ZBTB7B: variants seen among roughly 807,000 people sequenced by gnomAD.
ZBTB7B encodes zinc finger and BTB domain containing 7B.
Under a neutral mutation model 31.0 loss-of-function variants are expected in ZBTB7B, and 8 were observed. The observed-to-expected ratio is 0.26, with a 90% CI of 0.15 to 0.47. The LOEUF (loss-of-function observed/expected upper bound fraction) is 0.47, where lower values mean the gene tolerates loss of function less well. Ranked by LOEUF, ZBTB7B falls within the 20% of genes least tolerant of loss-of-function variation. ZBTB7B has a pLI of 0.99. For synonymous variants in ZBTB7B, 261 were observed against 307.3 expected, an observed-to-expected ratio of 0.85 and a Z score of 1.58; for missense variants, 494 against 742.4, an observed-to-expected ratio of 0.67 and a Z score of 3.89.
At position 155,015,572 on chromosome 1, in the gene ZBTB7B, C is replaced by T. The variant is rs766203734; in HGVS notation, c.912C>T (p.Gly304=). Residue 304 remains glycine, a synonymous_variant, in exon 2 of 3, where the codon GGC becomes GGT. Transcript: ENST00000535420. ...CCCCGCTGTCCCCAGAGGAGCTGGG[C>T]TCAGATGAGGATGCCATCGATCCTG... ...GGPPLSPEEL[G]SDEDAIDPDL... is the part of the protein sequence containing the mutation. 13 of 1,613,788 alleles carry T rather than the reference C, an allele frequency of 8.1e-6. No individual in the cohort carries two copies. In the South Asian group the frequency reaches 1.4e-4, roughly 18 times the overall value.
In ZBTB7B at chr1:155,018,374, C is replaced by A; in HGVS notation, c.*1689C>A. 1 of 667,496 alleles carries A rather than the reference C, an allele frequency of 1.5e-6. No individual in the cohort carries two copies. Among genetic ancestry groups the A allele is most frequent in the Non-Finnish European group, 2.5e-6 (1 of 400,362 alleles). The allele number at this position is 667,496 out of a possible 1,614,324, so 41.3% of individuals were successfully genotyped here. A position where few individuals can be genotyped will look rare whatever the true frequency, so the allele number is the denominator to read the frequency against. ...GGGGCCCAGCCCCAGAAAGTGGGGA[C>A]AATGTGGCCTCCCTTCTCCCTACTT... is the stretch of plus-strand genomic sequence containing the variant. On this transcript the variant is annotated 3_prime_UTR_variant, in exon 3 of 3. Transcript: ENST00000535420.
In ZBTB7B at chr1:155,016,148, G is replaced by A; in HGVS notation, c.1155-72G>A. ...AGGAACAGGGATGGGACAAGGCCAG[G>A]GTGGGATGACCAGGAGGAGCCAGGG... On this transcript the variant is annotated intron_variant, in intron 2 of 2. Coordinates refer to ENST00000535420, the MANE Select transcript of ZBTB7B (RefSeq NM_001256455.2). This position sits in a 1 kb window ranked among gnomAD's most constrained non-coding sequence, Gnocchi z 4.3. 6.6e-7 allele frequency: 1 copy of A among 1,506,716 alleles called. No individual in the cohort carries two copies. The highest frequency in any genetic ancestry group is 9.1e-7 in the Non-Finnish European group (1 of 1,099,972). The allele number at this position is 1,506,716 out of a possible 1,614,324, so 93.3% of individuals were successfully genotyped here.
At chr1:155,014,595 T>C (rs1659220875) in intron 1 of ZBTB7B, 60 bp from the exon 2 acceptor site, 4 of 1,521,554 alleles carry the variant, frequency 2.6e-6, no homozygotes, top group African/African-American at 1.4e-5. Context: ...AAGTTGGTCC[T>C]CTTTCCCCAG....
At position 155,015,349 on chromosome 1, in the gene ZBTB7B, C is replaced by T; in HGVS notation, c.689C>T (p.Pro230Leu). Residue 230 changes from proline (P) to leucine (L), a missense_variant, in exon 2 of 3, where the codon CCC becomes CTC. By Grantham distance (98) the Pro-to-Leu change is moderately conservative (BLOSUM62 -3). This residue lies in a region of ZBTB7B where 216 missense variants were observed against 229.3 expected (regional missense o/e 0.94). Coordinates refer to ENST00000535420, the MANE Select transcript of ZBTB7B (RefSeq NM_001256455.2). ...VPEVPTVPAH[P>L]LTYEEEEVAG... ...GAGGTGCCCACAGTGCCCGCCCATC[C>T]CTTGACCTATGAGGAGGAGGAGGTG... 1.9e-6 allele frequency: 3 copies of T among 1,588,064 alleles called. No homozygotes were observed. Among genetic ancestry groups the T allele is most frequent in the Non-Finnish European group, 2.6e-6 (3 of 1,163,910 alleles).
intron 1 of ZBTB7B, among the ~76,000 whole-genome samples, chr1:155,011,631 C>T (rs1048957534): frequency 1.3e-5 from 2 of 152,242 alleles, no homozygotes; most frequent in Non-Finnish European, 2.9e-5. Flanking sequence ...CCAAACAGAC[C>T]TTGCCCGGTT....
rs1457894892 is a variant in ZBTB7B, at chr1:155,018,320, A to T, written c.*1635A>T. 9 of 576,000 alleles carry T rather than the reference A, an allele frequency of 1.6e-5. No individual in the cohort carries two copies. Among genetic ancestry groups the T allele is most frequent in the African/African-American group, 1.5e-4 (8 of 53,288 alleles). The allele number at this position is 576,000 out of a possible 1,614,324, so 35.7% of individuals were successfully genotyped here. On this transcript the variant is annotated 3_prime_UTR_variant, in exon 3 of 3. Coordinates refer to ENST00000535420, the MANE Select transcript of ZBTB7B (RefSeq NM_001256455.2). ...GGGCCTCATCTTAGCATTTCAGGTG[A>T]TGGGGGGAGCCCAGGGCTGGGGAGA...
upstream of ZBTB7B, among the ~76,000 whole-genome samples, chr1:155,002,337 G>A (rs1658277236): frequency 6.7e-6 from 1 of 150,352 alleles, no homozygotes; most frequent in African/African-American, 2.5e-5. Context: ...GAGAAAGGGG[G>A]GGGAGAGAGG....
rs1317898542 is a variant in ZBTB7B at position 155,003,407 on chromosome 1, G to A, written c.-7+464G>A. ...GGCGCGGTGGATTGGCCCCAGGCCA[G>A]TTGCATGGGGGTTGGGGGGGCGCAG... On this transcript the variant is annotated intron_variant, in intron 1 of 2. Transcript: ENST00000535420. The surrounding 1 kb of genome is among the most constrained non-coding windows in gnomAD (Gnocchi z 5.8). Among the ~76,000 whole-genome samples, 1 of 152,180 alleles carries A rather than the reference G, an allele frequency of 6.6e-6. No individual in the cohort carries two copies. The highest frequency in any genetic ancestry group is 1.5e-5 in the Non-Finnish European group (1 of 68,018).
chr1:155,016,456 A>G lies in ZBTB7B; in HGVS notation c.1391A>G (p.Lys464Arg). 1 of 1,614,046 alleles carries G rather than the reference A, an allele frequency of 6.2e-7. No homozygotes were observed. The highest frequency in any genetic ancestry group is 8.5e-7 in the Non-Finnish European group (1 of 1,179,968). The change falls in exon 3 of 3, where the codon AAG (lysine) becomes AGG (arginine). Residue 464 changes from lysine to arginine, a missense_variant. Lys to Arg is a conservative substitution (Grantham distance 26, BLOSUM62 2). Transcript: ENST00000535420. This position sits in a 1 kb window ranked among gnomAD's most constrained non-coding sequence, Gnocchi z 4.3. Reference protein sequence around the residue: ...CLEVRTRRRRKDDAPPHYPPP... With the variant: ...CLEVRTRRRRRDDAPPHYPPP... ...GAGGTGCGCACCCGACGGCGCCGCA[A>G]GGACGATGCACCACCCCACTACCCA... is the stretch of plus-strand genomic sequence containing the variant.
chr1:155,016,452 C>T lies in ZBTB7B; in HGVS notation c.1387C>T (p.Arg463Cys), dbSNP rs757315916. 2.3e-5 allele frequency: 37 copies of T among 1,614,070 alleles called. No homozygotes were observed. The highest frequency in any genetic ancestry group is 2.9e-5 in the Non-Finnish European group (34 of 1,179,976). The change falls in exon 3 of 3, where the codon CGC (arginine) becomes TGC (cysteine). Residue 463 changes from arginine (R) to cysteine (C), a missense_variant. By Grantham distance (180) the Arg-to-Cys change is radical. Coordinates refer to ENST00000535420, the MANE Select transcript of ZBTB7B (RefSeq NM_001256455.2). The surrounding 1 kb of genome is among the most constrained non-coding windows in gnomAD (Gnocchi z 4.3). ...NCLEVRTRRR[R>C]KDDAPPHYPP... is the part of the protein sequence containing the mutation. ...CCTGGAGGTGCGCACCCGACGGCGC[C>T]GCAAGGACGATGCACCACCCCACTA...
At position 155,015,798 on chromosome 1, in the gene ZBTB7B, G is replaced by A. The variant is rs373067585; in HGVS notation, c.1138G>A (p.Gly380Ser). 53 of 1,610,552 alleles carry A rather than the reference G, an allele frequency of 3.3e-5. No homozygotes were observed. Among genetic ancestry groups the A allele is most frequent in the Non-Finnish European group, 4.0e-5 (47 of 1,178,752 alleles). Residue 380 changes from glycine (G) to serine (S), a missense_variant, in exon 2 of 3, where the codon GGT (glycine) becomes AGT (serine). Physicochemically the swap from Gly to Ser is moderately conservative, Grantham distance 56. This residue lies in a region of ZBTB7B where 61 missense variants were observed against 170.0 expected (regional missense o/e 0.36). Coordinates refer to ENST00000535420, the MANE Select transcript of ZBTB7B (RefSeq NM_001256455.2). ...GAAGCCCTTTGCCTGCGAGGTCTGC[G>A]GTGTTCGATTCACCAGGTGAGCAGC... ...GEKPFACEVC[G>S]VRFTRNDKLK... is the part of the protein sequence containing the mutation.
chr1:155,014,989 C>T lies in ZBTB7B; in HGVS notation c.329C>T (p.Thr110Ile). Residue 110 changes from threonine to isoleucine, a missense_variant, in exon 2 of 3, where the codon ACA (threonine) becomes ATA (isoleucine). Physicochemically the swap from Thr to Ile is moderately conservative, Grantham distance 89. Coordinates refer to ENST00000535420, the MANE Select transcript of ZBTB7B (RefSeq NM_001256455.2). ...GALLEFAYTA[T>I]LTTSSANMPA... is the part of the protein sequence containing the mutation. ...CTCCTTGAATTTGCCTATACAGCCA[C>T]ACTGACCACCAGCAGCGCCAACATG... The T allele has an allele frequency of 6.2e-7, 1 of 1,614,006 alleles. No individual in the cohort carries two copies. The highest frequency in any genetic ancestry group is 8.5e-7 in the Non-Finnish European group (1 of 1,180,020).
At chr1:155,002,370 CAGAG>C (rs993536003), upstream of ZBTB7B, among the ~76,000 whole-genome samples, 1 of 138,224 alleles carries the variant, frequency 7.2e-6, no homozygotes, top group African/African-American at 2.8e-5. Context: ...TGAAGGGAGA[CAGAG>C]AGAAGGAAAG....
chr1:155,016,715 C>A lies in ZBTB7B; in HGVS notation c.*30C>A. The A allele has an allele frequency of 1.5e-6, 2 of 1,308,422 alleles. No homozygotes were observed. Among genetic ancestry groups the A allele is most frequent in the East Asian group, 2.4e-5 (1 of 40,882 alleles). The allele number at this position is 1,308,422 out of a possible 1,614,324, so 81.1% of individuals were successfully genotyped here. Reference sequence around the variant, plus strand: ...GGACGAGGGCCAGACTGAAGCAGCACAAGGCCGGGGACACCCATGCCAAGC... The same window carrying A: ...GGACGAGGGCCAGACTGAAGCAGCAAAAGGCCGGGGACACCCATGCCAAGC... On this transcript the variant is annotated 3_prime_UTR_variant, in exon 3 of 3. Transcript: ENST00000535420. The surrounding 1 kb of genome is among the most constrained non-coding windows in gnomAD (Gnocchi z 4.3).
rs1047746019 is a variant in ZBTB7B at position 155,004,351 on chromosome 1, G to T, written c.-7+1408G>T. ...CCCCAACTTATTCCTGGAGGAGGGA[G>T]ACCGCTTATCAGGGACGGGGGAACC... On this transcript the variant is annotated intron_variant, in intron 1 of 2. Coordinates refer to ENST00000535420, the MANE Select transcript of ZBTB7B (RefSeq NM_001256455.2). This position sits in a 1 kb window ranked among gnomAD's most constrained non-coding sequence, Gnocchi z 4.0. 1.3e-5 allele frequency among the ~76,000 whole-genome samples: 2 copies of T among 152,202 alleles called. No individual in the cohort carries two copies. The highest frequency in any genetic ancestry group is 4.8e-5 in the African/African-American group (2 of 41,436).
Position 155,016,087 on chromosome 1 carries a change from GTA to G in ZBTB7B, c.1155-131_1155-130del. On this transcript the variant is annotated intron_variant, in intron 2 of 2. Coordinates refer to ENST00000535420, the MANE Select transcript of ZBTB7B (RefSeq NM_001256455.2). The surrounding 1 kb of genome is among the most constrained non-coding windows in gnomAD (Gnocchi z 4.3). ...GTTAAGCTAGAGGTGAGCTAGCAGG[GTA>G]TCTCCTGGGGCAATAGTGGGGTAAC... is the stretch of plus-strand genomic sequence containing the variant. 1 of 1,008,748 alleles carries G rather than the reference GTA, an allele frequency of 9.9e-7. No homozygotes were observed. 62.5% of individuals were successfully genotyped at this position (1,008,748 alleles called of 1,614,324 possible).
intron 2 of ZBTB7B, 83 bp downstream of exon 2, chr1:155,015,897 C>G (rs1659368710): frequency 6.6e-7 from 1 of 1,516,922 alleles, no homozygotes; most frequent in South Asian, 1.3e-5. Context: ...GTTAGGAGAC[C>G]CGAGGTGGTG....
intron 1 of ZBTB7B, among the ~76,000 whole-genome samples, chr1:155,005,452 G>A (rs894856753): frequency 6.6e-6 from 1 of 152,180 alleles, no homozygotes; most frequent in African/African-American, 2.4e-5. Flanking sequence ...CTCAGATGGA[G>A]AAGGTTTGGC....
At chr1:155,011,539 T>C (rs913397147) in intron 1 of ZBTB7B, among the ~76,000 whole-genome samples, 3 of 150,904 alleles carry the variant, frequency 2.0e-5, no homozygotes, top group Admixed American at 6.6e-5. Context: ...GGCCTGACAG[T>C]GAGGGGAGCC....
Sources: gnomAD v4.1 joint callset for allele counts (sites outside exome capture counted in the v4.1 genomes callset) on GRCh38, gnomAD v4.1.1 for gene constraint, gnomAD v4.1.1 regional missense constraint, Gnocchi (gnomAD v3.1) non-coding constraint, MANE v1.5 for transcripts, NCBI Gene and HGNC (gene_info 2026-07-23, HGNC 2026-07-21) for gene names.